The following AOPEP variants were observed in gnomAD, a reference collection of about 807,000 sequenced individuals.
The protein encoded by AOPEP is aminopeptidase O (putative).
In AOPEP, 77 loss-of-function variants were observed where a neutral mutation model predicts 98.1. The ratio of observed to expected loss-of-function variants is 0.78; its 90% CI spans 0.65 to 0.95. The LOEUF is 0.95. Ranked by LOEUF, AOPEP falls within the 40% of genes least tolerant of loss-of-function variation. The probability of loss-of-function intolerance (pLI) is 0.00; values close to 1 mark genes in which losing one functional copy is unlikely to be tolerated. For synonymous variants in AOPEP, 346 were observed against 365.3 expected (o/e 0.95, Z 0.60); for missense variants, 1,024 against 1,024.7 (o/e 1.00, Z 0.01).
chr9:94,919,852 C>G (rs1267049495), intron 5 of AOPEP, among the ~76,000 whole-genome samples: 22 of 152,108 alleles, frequency 1.4e-4, no homozygotes, highest in Non-Finnish European at 3.2e-4. Flanking sequence ...GAGCCTGGTT[C>G]CCCCCTCTCT....
intron 4 of AOPEP, among the ~76,000 whole-genome samples, chr9:94,796,738 C>T (rs958499714): frequency 4.6e-5 from 7 of 152,224 alleles, no homozygotes; most frequent in African/African-American, 1.7e-4. Flanking sequence ...ACACATGCTC[C>T]AGCCACTCTG....
chr9:95,118,451 T>C, the AOPEP span, among the ~76,000 whole-genome samples: 1 of 152,238 alleles, frequency 6.6e-6, no homozygotes, highest in African/African-American at 2.4e-5. Context: ...CTATAACGCA[T>C]GGAGTGCATG....
At position 94,736,131 on chromosome 9, in the gene AOPEP, G is replaced by C. The variant is rs937873253; in HGVS notation, c.-136+9380G>C. Among the ~76,000 whole-genome samples, 2 of 152,104 alleles carry C rather than the reference G, an allele frequency of 1.3e-5. 1 individual carries two copies. Among genetic ancestry groups the C allele is most frequent in the Admixed American group, 1.3e-4 (2 of 15,272 alleles). ...TTTTAAAACAATATTAACTATATCT[G>C]GGCCTTTTCAAATCATCACTGGATA... On this transcript the variant is annotated intron_variant, in intron 1 of 16. Coordinates refer to ENST00000375315, the MANE Select transcript of AOPEP (RefSeq NM_001193329.3).
chr9:94,793,064 C>G, intron 4 of AOPEP, 146 bp downstream of exon 4: 3 of 998,646 alleles, frequency 3.0e-6, no homozygotes, highest in Non-Finnish European at 4.4e-6. Context: ...AGGAAAAGCC[C>G]TATTAGAAAG....
At position 95,038,990 on chromosome 9, in the gene AOPEP, G is replaced by C. The variant is rs188599879; in HGVS notation, c.2116-21704G>C. Among the ~76,000 whole-genome samples the C allele has an allele frequency of 1.9e-3, 284 of 152,276 alleles. 1 individual carries two copies. Among genetic ancestry groups the C allele is most frequent in the Non-Finnish European group, 3.0e-3 (203 of 68,016 alleles). On this transcript the variant is annotated intron_variant, in intron 13 of 16. Coordinates refer to ENST00000375315, the MANE Select transcript of AOPEP (RefSeq NM_001193329.3). ...TAAATTTGGCAATCGAAATGATCCT[G>C]TTATACCAAGCACTGTTTAGATTCA...
At chr9:94,782,676 T>C (rs1054171703) in intron 3 of AOPEP, among the ~76,000 whole-genome samples, 1 of 152,256 alleles carries the variant, frequency 6.6e-6, no homozygotes, top group Non-Finnish European at 1.5e-5. Context: ...AAAGAAAGAA[T>C]GCAAAGTAGA....
At chr9:95,083,131 G>T (rs973867635) in intron 16 of AOPEP, 2 of 177,668 alleles carry the variant, frequency 1.1e-5, no homozygotes, top group African/African-American at 4.8e-5. Context: ...TTAAGCGGCC[G>T]TGTGACTCCA....
intron 5 of AOPEP, among the ~76,000 whole-genome samples, chr9:94,820,688 G>A (rs1024827159): frequency 6.6e-6 from 1 of 152,218 alleles, no homozygotes; most frequent in East Asian, 1.9e-4. Flanking sequence ...GTGGGAGGTA[G>A]GGATGTGCCT....
intron 5 of AOPEP, among the ~76,000 whole-genome samples, chr9:94,876,368 CTTTTTTT>C (rs566693216): frequency 7.1e-6 from 1 of 140,648 alleles, no homozygotes; most frequent in African/African-American, 2.6e-5. Flanking sequence ...CTTTTCTTTT[CTTTTTTT>C]TTTTTTTGGA....
intron 5 of AOPEP, among the ~76,000 whole-genome samples, chr9:94,916,336 ATTAC>A (rs1163868356): frequency 5.9e-5 from 9 of 152,166 alleles, no homozygotes; most frequent in Non-Finnish European, 2.9e-5. Context: ...ACTCACATTA[ATTAC>A]TTACTTACCA....
At chr9:94,824,859 C>T (rs1359663393) in intron 5 of AOPEP, 2 of 141,198 alleles carry the variant, frequency 1.4e-5, no homozygotes. Context: ...AATACAACTG[C>T]TTCCCATTTG....
chr9:94,766,795 A>G (rs1279077010), intron 2 of AOPEP, among the ~76,000 whole-genome samples: 2 of 152,208 alleles, frequency 1.3e-5, no homozygotes, highest in Non-Finnish European at 2.9e-5. Flanking sequence ...AGTAATATTA[A>G]CATTTAAACT....
intron 13 of AOPEP, among the ~76,000 whole-genome samples, chr9:95,035,136 C>T (rs2064682364): frequency 6.6e-6 from 1 of 151,358 alleles, no homozygotes; most frequent in African/African-American, 2.4e-5. Flanking sequence ...CACCCCATGA[C>T]AGGCCCCCGT....
intron 14 of AOPEP, among the ~76,000 whole-genome samples, chr9:95,075,842 A>G (rs375950748): frequency 6.6e-6 from 1 of 152,206 alleles, no homozygotes; most frequent in Non-Finnish European, 1.5e-5. Flanking sequence ...AGCCACTGCA[A>G]TCTGGATGAC....
At position 94,813,308 on chromosome 9, in the gene AOPEP, G is replaced by T. The variant is rs188680585; in HGVS notation, c.1364+12306G>T. 3.2e-4 allele frequency among the ~76,000 whole-genome samples: 48 copies of T among 152,268 alleles called. No individual in the cohort carries two copies. The East Asian group carries it at 4.2e-3, about 13-fold the overall frequency. Reference sequence around the variant, plus strand: ...AATAACTCACTTTCTTCAGATTAAAGATCTTGGTTGCTTTGAGTAAACCTG... The same window carrying T: ...AATAACTCACTTTCTTCAGATTAAATATCTTGGTTGCTTTGAGTAAACCTG... On this transcript the variant is annotated intron_variant, in intron 5 of 16. Transcript: ENST00000375315.
intron 13 of AOPEP, among the ~76,000 whole-genome samples, chr9:95,053,554 AT>A (rs2066569449): frequency 1.3e-5 from 2 of 152,218 alleles, no homozygotes; most frequent in African/African-American, 4.8e-5. Context: ...TTAGGGGGTT[AT>A]AAGTTAATGT....
chr9:95,008,661 G>A (rs949977144), intron 13 of AOPEP, among the ~76,000 whole-genome samples: 8 of 151,444 alleles, frequency 5.3e-5, no homozygotes, highest in African/African-American at 2.0e-4. Flanking sequence ...GATGTACCAT[G>A]CAGATAAAGT....
At chr9:95,065,015 G>A (rs1394801091) in intron 14 of AOPEP, among the ~76,000 whole-genome samples, 1 of 152,224 alleles carries the variant, frequency 6.6e-6, no homozygotes, top group African/African-American at 2.4e-5. Flanking sequence ...GATGTGAAAT[G>A]TTCAGGAGGG....
At chr9:95,112,246 G>C in the AOPEP span, among the ~76,000 whole-genome samples, 1 of 152,218 alleles carries the variant, frequency 6.6e-6, no homozygotes. Flanking sequence ...GTGCAGTGCC[G>C]GTCTCAGCAG....
Sources: gnomAD v4.1 joint callset for allele counts (sites outside exome capture counted in the v4.1 genomes callset) on GRCh38, gnomAD v4.1.1 for gene constraint, MANE v1.5 for transcripts, NCBI Gene and HGNC (gene_info 2026-07-23, HGNC 2026-07-21) for gene names.